PCDH15: variants seen among roughly 807,000 people sequenced by gnomAD.
PCDH15 encodes the protein protocadherin-15.
Under a neutral mutation model 178.5 loss-of-function variants are expected in PCDH15, and 129 were observed. The observed-to-expected ratio is 0.72, with a 90% confidence interval of 0.63 to 0.84. PCDH15 has a LOEUF of 0.84. Ranked by LOEUF, PCDH15 falls within the 40% of genes least tolerant of loss-of-function variation. The pLI, the probability that PCDH15 is intolerant of heterozygous loss-of-function variation, is 0.00. For missense variants in PCDH15, 2,230 were observed against 2,099.9 expected (o/e 1.06, Z -1.21); for synonymous variants, 800 against 732.0 (o/e 1.09, Z -1.50).
intron 23 of PCDH15, among the ~76,000 whole-genome samples, chr10:53,957,306 T>TATAGGG (rs1403687406): frequency 6.6e-6 from 1 of 152,118 alleles, no homozygotes; most frequent in East Asian, 1.9e-4. Context: ...GAACACCTGA[T>TATAGGG]CTAGATAATT....
intron 10 of PCDH15, among the ~76,000 whole-genome samples, chr10:54,199,567 C>CAATAATAAT (rs1408960891): frequency 0.2 from 17,950 of 89,066 alleles, 1,213 homozygotes; most frequent in Admixed American, 0.26. Flanking sequence ...ACAACAACAA[C>CAATAATAAT]AACAATAATA....
chr10:55,597,130 C>G (rs1477754556), intron 2 of PCDH15: 5 of 152,144 alleles, frequency 3.3e-5, no homozygotes, highest in African/African-American at 1.2e-4. Context: ...GGAGCCTGAT[C>G]CCTGCGGAAT....
intron 19 of PCDH15, among the ~76,000 whole-genome samples, chr10:54,022,313 G>A (rs188349349): frequency 7.0e-6 from 1 of 143,578 alleles, no homozygotes; most frequent in Admixed American, 7.3e-5. Flanking sequence ...TAGATTACTA[G>A]AAGATGGCTT....
At chr10:53,888,791 G>A (rs2081358485) in intron 26 of PCDH15, among the ~76,000 whole-genome samples, 1 of 143,552 alleles carries the variant, frequency 7.0e-6, no homozygotes, top group Non-Finnish European at 1.5e-5. Flanking sequence ...AAACCTTGAA[G>A]ACAAAAAAAT....
intron 2 of PCDH15, among the ~76,000 whole-genome samples, chr10:55,525,452 G>A (rs1841283377): frequency 6.6e-6 from 1 of 151,654 alleles, no homozygotes; most frequent in South Asian, 2.1e-4. Flanking sequence ...TTTATTCAAG[G>A]TTGAGGCTTG....
chr10:54,679,058 C>T (rs1399288015), intron 1 of PCDH15, among the ~76,000 whole-genome samples: 2 of 151,270 alleles, frequency 1.3e-5, no homozygotes, highest in East Asian at 1.9e-4. Flanking sequence ...GGCGTGTTGG[C>T]GGGCGCCTGT....
chr10:54,148,130 C>T (rs1159901161), intron 14 of PCDH15, among the ~76,000 whole-genome samples: 1 of 152,060 alleles, frequency 6.6e-6, no homozygotes, highest in African/African-American at 2.4e-5. Context: ...TAACCTAGCA[C>T]AGATGAAGCT....
At chr10:54,499,128 T>A (rs1391457330) in intron 3 of PCDH15, among the ~76,000 whole-genome samples, 1 of 152,096 alleles carries the variant, frequency 6.6e-6, no homozygotes, top group African/African-American at 2.4e-5. Context: ...ATCACTATTC[T>A]AAGTATGTAA....
At chr10:54,260,162 G>A (rs1175317866) in intron 8 of PCDH15, among the ~76,000 whole-genome samples, 2 of 152,004 alleles carry the variant, frequency 1.3e-5, no homozygotes, top group Non-Finnish European at 2.9e-5. Flanking sequence ...GTACAAAAGA[G>A]TATTTTAAAA....
intron 2 of PCDH15, among the ~76,000 whole-genome samples, chr10:55,145,811 C>T (rs4360605): frequency 0.9 from 137,119 of 151,982 alleles, 62,533 homozygotes; most frequent in Non-Finnish European, 0.97. Flanking sequence ...GGTAGATTCC[C>T]GAGATTCATA....
intron 29 of PCDH15, among the ~76,000 whole-genome samples, chr10:53,837,964 T>C (rs1442456875): frequency 8.4e-6 from 1 of 118,404 alleles, no homozygotes; most frequent in African/African-American, 3.6e-5. Flanking sequence ...TATTATTTAT[T>C]TATTTATTTA....
At chr10:54,227,504 C>T (rs2134263167) in intron 9 of PCDH15, among the ~76,000 whole-genome samples, 1 of 152,290 alleles carries the variant, frequency 6.6e-6, no homozygotes, top group East Asian at 1.9e-4. Context: ...TCTCCCCAGG[C>T]CTCCAGGCTG....
intron 2 of PCDH15, among the ~76,000 whole-genome samples, chr10:55,602,655 C>T (rs1183033977): frequency 6.6e-6 from 1 of 151,898 alleles, no homozygotes; most frequent in Non-Finnish European, 1.5e-5. Flanking sequence ...CAGGGTACTC[C>T]AACAGACCTG....
chr10:54,098,804 A>G (rs1474367600), intron 15 of PCDH15, among the ~76,000 whole-genome samples: 1 of 152,298 alleles, frequency 6.6e-6, no homozygotes, highest in East Asian at 1.9e-4. Context: ...TGGAAAGACA[A>G]TTGGCTTTGG....
chr10:53,909,122 A>T (rs1054209006), intron 25 of PCDH15, among the ~76,000 whole-genome samples: 2 of 152,116 alleles, frequency 1.3e-5, no homozygotes, highest in African/African-American at 2.4e-5. Context: ...TCATGGGGGC[A>T]GTTTTCCCCA....
intron 1 of PCDH15, among the ~76,000 whole-genome samples, chr10:54,772,108 G>C (rs1209670394): frequency 1.3e-5 from 2 of 151,926 alleles, no homozygotes; most frequent in Non-Finnish European, 2.9e-5. Context: ...AGCTGTTGAG[G>C]AATATATAAA....
chr10:55,474,140 T>C (rs1840017921), intron 2 of PCDH15, among the ~76,000 whole-genome samples: 1 of 152,048 alleles, frequency 6.6e-6, no homozygotes, highest in African/African-American at 2.4e-5. Context: ...AAATTCAAGA[T>C]CAGATGTGTG....
chr10:55,501,418 T>C (rs929427934), intron 2 of PCDH15, among the ~76,000 whole-genome samples: 1 of 151,716 alleles, frequency 6.6e-6, no homozygotes, highest in Non-Finnish European at 1.5e-5. Flanking sequence ...TATTTAAAAA[T>C]CATTCAAATA....
chr10:54,309,492 A>C (rs920673727), intron 8 of PCDH15, among the ~76,000 whole-genome samples: 2 of 152,036 alleles, frequency 1.3e-5, no homozygotes, highest in African/African-American at 4.8e-5. Flanking sequence ...AATTCAATTC[A>C]AAATATGCAA....
Sources: allele counts gnomAD v4.1 joint callset (sites outside exome capture counted in the v4.1 genomes callset), GRCh38; gene constraint gnomAD v4.1.1; transcripts MANE v1.5; gene names NCBI Gene and HGNC (gene_info 2026-07-23, HGNC 2026-07-21).